Variants in MDGA2 observed in about 807,000 individuals in gnomAD.
MDGA2 encodes MAM domain-containing glycosylphosphatidylinositol anchor protein 2.
In MDGA2, 40 loss-of-function variants were observed where a neutral mutation model predicts 117.8. The observed-to-expected ratio is 0.34, with a 90% CI of 0.26 to 0.44. MDGA2 has a LOEUF of 0.44. Among genes scored for constraint, MDGA2 ranks in the 20% least tolerant of loss-of-function variants. MDGA2 has a pLI of 1.00. For missense variants in MDGA2, 1,123 were observed against 1,250.6 expected, an observed-to-expected ratio of 0.90 and a Z score of 1.54; for synonymous variants, 452 against 439.0, an observed-to-expected ratio of 1.03 and a Z score of -0.37.
intron 1 of MDGA2, among the ~76,000 whole-genome samples, chr14:47,303,204 A>G (rs1425565018): frequency 6.6e-6 from 1 of 152,198 alleles, no homozygotes. Flanking sequence ...TGACAGAGCT[A>G]GTTAGACTAG....
chr14:47,120,512 T>A (rs1166266253), intron 5 of MDGA2, among the ~76,000 whole-genome samples: 3 of 152,094 alleles, frequency 2.0e-5, no homozygotes, highest in Non-Finnish European at 2.9e-5. Flanking sequence ...CAACTAGACA[T>A]ACCTATTTTC....
rs115063917 is a variant in MDGA2 at position 47,163,868 on chromosome 14, C to G, written c.596-19594G>C. Among the ~76,000 whole-genome samples the G allele has an allele frequency of 5.5e-3, 838 of 152,098 alleles. 2 individuals carry two copies. Among genetic ancestry groups the G allele is most frequent in the African/African-American group, 0.019 (795 of 41,498 alleles). On this transcript the variant is annotated intron_variant, in intron 3 of 16. Coordinates refer to ENST00000399232, the MANE Select transcript of MDGA2 (RefSeq NM_001113498.3). ...GGAGCAATTGTGCTAATTACAGCAC[C>G]CTGAATTTAATATGAGCACAACAGC... is the stretch of plus-strand genomic sequence containing the variant.
intron 3 of MDGA2, among the ~76,000 whole-genome samples, chr14:47,165,351 A>G (rs1376425784): frequency 6.6e-6 from 1 of 152,176 alleles, no homozygotes; most frequent in Non-Finnish European, 1.5e-5. Context: ...AAATTTCTCT[A>G]TTCTTCCCAG....
intron 8 of MDGA2, among the ~76,000 whole-genome samples, chr14:46,960,910 T>C (rs913769981): frequency 1.4e-5 from 2 of 147,468 alleles, no homozygotes; most frequent in Non-Finnish European, 3.0e-5. Context: ...ATATATTTAA[T>C]GTTTTATATA....
intron 1 of MDGA2, among the ~76,000 whole-genome samples, chr14:47,445,552 T>C (rs578051528): frequency 2.0e-4 from 31 of 152,308 alleles, no homozygotes; most frequent in African/African-American, 7.0e-4. Flanking sequence ...TGTGAGTTCA[T>C]GTTCGCCAAC....
At chr14:47,300,693 C>A (rs1260412445) in intron 2 of MDGA2, among the ~76,000 whole-genome samples, 1 of 149,614 alleles carries the variant, frequency 6.7e-6, no homozygotes, top group East Asian at 2.0e-4. Flanking sequence ...GAGACACAGT[C>A]TCCTTTTGTT....
chr14:47,292,754 T>C (rs1352483271), intron 2 of MDGA2, among the ~76,000 whole-genome samples: 1 of 152,194 alleles, frequency 6.6e-6, no homozygotes, highest in African/African-American at 2.4e-5. Context: ...TGAATGATTG[T>C]GATCTTCCAT....
chr14:47,499,815 C>T (rs10145769), intron 1 of MDGA2, among the ~76,000 whole-genome samples: 114,485 of 152,040 alleles, frequency 0.75, 43,548 homozygotes, highest in East Asian at 1. Context: ...AATTTATAAA[C>T]AGATTTTCAT....
intron 8 of MDGA2, among the ~76,000 whole-genome samples, chr14:46,975,072 T>C (rs970305699): frequency 3.9e-5 from 6 of 152,052 alleles, no homozygotes; most frequent in Admixed American, 6.6e-5. Context: ...GATACTCAAA[T>C]GGCCAATAAG....
chr14:47,633,950 G>C (rs1459501779), intron 1 of MDGA2, among the ~76,000 whole-genome samples: 1 of 152,086 alleles, frequency 6.6e-6, no homozygotes, highest in Non-Finnish European at 1.5e-5. Context: ...ATACTATAAA[G>C]GTGAAAGGTT....
chr14:47,200,522 TCTTTTTCTTTTC>T, intron 3 of MDGA2: 1 of 629,906 alleles, frequency 1.6e-6, no homozygotes, highest in South Asian at 2.9e-5. Flanking sequence ...TTTTCTTTTT[TCTTTTTCTTTTC>T]TTTTTTTTTT....
At position 47,097,010 on chromosome 14, in the gene MDGA2, C is replaced by T. The variant is rs762562651; in HGVS notation, c.1039G>A (p.Val347Ile). 32 of 1,613,170 alleles carry T rather than the reference C, an allele frequency of 2.0e-5. No individual in the cohort carries two copies. The highest frequency in any genetic ancestry group is 2.7e-5 in the African/African-American group (2 of 74,826). ...TCAGGCAGAGTCCCAAAGGACCTGA[C>T]CCAGGTGAGAGAAGGTGCAGGCTCT... The part of the protein sequence containing the change: ...GGEPAPSLTW[V>I]RSFGTLPEKT... The change falls in exon 6 of 17, where the codon GTC becomes ATC. Residue 347 changes from valine to isoleucine, a missense_variant. Coordinates refer to ENST00000399232, the MANE Select transcript of MDGA2 (RefSeq NM_001113498.3).
intron 5 of MDGA2, among the ~76,000 whole-genome samples, chr14:47,105,949 G>T (rs57559105): frequency 1.8e-4 from 22 of 119,200 alleles, no homozygotes; most frequent in Admixed American, 1.2e-3. Context: ...CACCTGGTCC[G>T]GCTTACAGTT....
intron 2 of MDGA2, among the ~76,000 whole-genome samples, chr14:47,231,743 C>T (rs1191715656): frequency 1.4e-5 from 2 of 139,534 alleles, no homozygotes; most frequent in African/African-American, 5.2e-5. Context: ...AAAATTGAAC[C>T]TTCGTGTTGG....
At chr14:47,650,025 A>G (rs996746206) in intron 1 of MDGA2, among the ~76,000 whole-genome samples, 2 of 152,142 alleles carry the variant, frequency 1.3e-5, no homozygotes, top group Admixed American at 6.5e-5. Context: ...TAACATTTAA[A>G]TCAACAGACT....
chr14:46,970,573 T>G (rs951571859), intron 8 of MDGA2, among the ~76,000 whole-genome samples: 1 of 152,058 alleles, frequency 6.6e-6, no homozygotes, highest in African/African-American at 2.4e-5. Context: ...ATATGTAAAA[T>G]TTAAAACTAT....
intron 1 of MDGA2, among the ~76,000 whole-genome samples, chr14:47,307,620 G>A (rs1889495318): frequency 1.3e-5 from 2 of 151,966 alleles, no homozygotes; most frequent in South Asian, 4.1e-4. Flanking sequence ...GGCGGAGGTT[G>A]CAGTGAGACA....
At chr14:47,109,879 G>C (rs1437219542) in intron 5 of MDGA2, among the ~76,000 whole-genome samples, 1 of 152,272 alleles carries the variant, frequency 6.6e-6, no homozygotes, top group East Asian at 1.9e-4. Flanking sequence ...CCGGGAGATA[G>C]AGGCTGCAGT....
intron 1 of MDGA2, among the ~76,000 whole-genome samples, chr14:47,673,905 C>G (rs769578100): frequency 6.6e-5 from 10 of 151,968 alleles, no homozygotes; most frequent in African/African-American, 1.2e-4. Context: ...ACTTGCTCAT[C>G]CATTCACACA....
Sources: gnomAD v4.1 joint callset for allele counts (sites outside exome capture counted in the v4.1 genomes callset) on GRCh38, gnomAD v4.1.1 for gene constraint, MANE v1.5 for transcripts, NCBI Gene and HGNC (gene_info 2026-07-23, HGNC 2026-07-21) for gene names.